The following GBF1 variants were observed in gnomAD, a reference collection of about 807,000 sequenced individuals.
GBF1 encodes the protein Golgi-specific brefeldin A-resistance guanine nucleotide exchange factor 1.
Under a neutral mutation model 210.5 loss-of-function variants are expected in GBF1, and 114 were observed. The ratio of observed to expected loss-of-function variants is 0.54; its 90% CI spans 0.47 to 0.63. The LOEUF (loss-of-function observed/expected upper bound fraction) is 0.63, where lower values mean the gene tolerates loss of function less well. Ranked by LOEUF, GBF1 falls within the 30% of genes least tolerant of loss-of-function variation. The pLI is 0.00. For missense variants in GBF1, 1,851 were observed against 2,357.7 expected (o/e 0.79, Z 4.45); for synonymous variants, 850 against 889.2 (o/e 0.96, Z 0.78).
rs1255413958 is a variant in GBF1 at position 102,369,963 on chromosome 10, A to G, written c.3318A>G (p.Arg1106=). ...GPSTENQEAK[R]VALECIKQCD... is the part of the protein sequence containing the mutation. ...CCACTGAAAACCAAGAGGCCAAGAG[A>G]GTGGCCTTAGAGTGTATAAAGGTAA... is the stretch of plus-strand genomic sequence containing the variant. The change falls in exon 26 of 40, where the codon AGA becomes AGG. Residue 1106 remains arginine (R), a synonymous_variant. Coordinates refer to ENST00000369983, the MANE Select transcript of GBF1 (RefSeq NM_001377137.1). The G allele has an allele frequency of 1.2e-6, 2 of 1,613,936 alleles. No individual in the cohort carries two copies. Among genetic ancestry groups the G allele is most frequent in the African/African-American group, 2.7e-5 (2 of 74,890 alleles).
chr10:102,331,228 T>C (rs1344186416), intron 3 of GBF1, among the ~76,000 whole-genome samples: 1 of 152,034 alleles, frequency 6.6e-6, no homozygotes, highest in Non-Finnish European at 1.5e-5. Flanking sequence ...CAAAAATAAT[T>C]TTCTGTCATG....
At chr10:102,354,641 T>C (rs1037460594) in intron 8 of GBF1, among the ~76,000 whole-genome samples, 16 of 152,224 alleles carry the variant, frequency 1.1e-4, no homozygotes, top group Non-Finnish European at 7.3e-5. Flanking sequence ...TTGGGAATTC[T>C]CCTGGGGCAT....
At chr10:102,266,658 G>T (rs767125484) in intron 3 of GBF1, among the ~76,000 whole-genome samples, 1 of 152,160 alleles carries the variant, frequency 6.6e-6, no homozygotes, top group Non-Finnish European at 1.5e-5. Context: ...ACAAGCCAAA[G>T]AAATAAGTAA....
chr10:102,286,590 C>T (rs952533025), intron 3 of GBF1, among the ~76,000 whole-genome samples: 9 of 152,248 alleles, frequency 5.9e-5, no homozygotes, highest in African/African-American at 2.2e-4. Flanking sequence ...ACAGTCACTG[C>T]CTCTTCTTTA....
At position 102,363,691 on chromosome 10, in the gene GBF1, C is replaced by T. The variant is rs751987623; in HGVS notation, c.2018-19C>T. On this transcript the variant is annotated intron_variant, in intron 16 of 39. Coordinates refer to ENST00000369983, the MANE Select transcript of GBF1 (RefSeq NM_001377137.1). The surrounding 1 kb of genome is among the most constrained non-coding windows in gnomAD (Gnocchi z 4.2). ...AAAAGGTGTTACAGATATTTCCCCC[C>T]TCTTCTTCCTACTCCTAGCTGACAA... 3 of 1,543,566 alleles carry T rather than the reference C, an allele frequency of 1.9e-6. No individual in the cohort carries two copies. Among genetic ancestry groups the T allele is most frequent in the Non-Finnish European group, 2.7e-6 (3 of 1,115,910 alleles).
At chr10:102,296,240 T>C (rs2076895383) in intron 3 of GBF1, among the ~76,000 whole-genome samples, 1 of 152,206 alleles carries the variant, frequency 6.6e-6, no homozygotes, top group South Asian at 2.1e-4. Flanking sequence ...CTGCTGCTTA[T>C]GAAAAAAACT....
At chr10:102,285,932 T>C (rs2075896711) in intron 3 of GBF1, among the ~76,000 whole-genome samples, 1 of 152,096 alleles carries the variant, frequency 6.6e-6, no homozygotes, top group Non-Finnish European at 1.5e-5. Flanking sequence ...ATATTATAAA[T>C]CAGAATACAT....
intron 3 of GBF1, among the ~76,000 whole-genome samples, chr10:102,282,241 ATTCTT>A (rs1388120845): frequency 2.0e-5 from 3 of 151,956 alleles, no homozygotes; most frequent in Non-Finnish European, 2.9e-5. Flanking sequence ...GGCCGCCTGT[ATTCTT>A]TTCAAGTTTC....
chr10:102,238,238 G>A, the GBF1 span, among the ~76,000 whole-genome samples: 3 of 152,160 alleles, frequency 2.0e-5, no homozygotes, highest in African/African-American at 7.2e-5. Flanking sequence ...AGGACCTAAT[G>A]GATCCTTCAG....
In GBF1 at chr10:102,382,118, TCAAGCCCCAGCAGGC is replaced by T. The variant is rs776068911; in HGVS notation, c.5366_5380del (p.Ser1789_Arg1793del). ...CAGCTCCCCAGGATCACCAGTGGCC[TCAAGCCCCAGCAGGC>T]TGAGCCCCACCCCCGACGGGCCTCC... On this transcript the variant is annotated inframe_deletion, in exon 40 of 40. Transcript: ENST00000369983. 3 of 1,604,656 alleles carry T rather than the reference TCAAGCCCCAGCAGGC, an allele frequency of 1.9e-6. No homozygotes were observed. In the South Asian group the frequency reaches 3.3e-5, roughly 18 times the overall value.
At chr10:102,320,211 A>G (rs1310473376) in intron 3 of GBF1, among the ~76,000 whole-genome samples, 1 of 152,152 alleles carries the variant, frequency 6.6e-6, no homozygotes, top group African/African-American at 2.4e-5. Flanking sequence ...TCTAGTTTGG[A>G]AATAGTTTTC....
chr10:102,376,940 A>G lies in GBF1; in HGVS notation c.4294A>G (p.Lys1432Glu). Reference protein sequence around the residue: ...FVEASLNGGCKSQEKRGKSHK... With the variant: ...FVEASLNGGCESQEKRGKSHK... ...CTGAGTCTGGCTCTGCTCAGGATGCAAGTCCCAGGAGAAACGTGGCAAGAG... is the reference window on the plus strand; with the variant it reads ...CTGAGTCTGGCTCTGCTCAGGATGCGAGTCCCAGGAGAAACGTGGCAAGAG... Residue 1432 changes from lysine to glutamate, a missense_variant, in exon 33 of 40, where the codon AAG becomes GAG. Lys to Glu is a moderately conservative substitution (Grantham distance 56). Transcript: ENST00000369983. The G allele has an allele frequency of 1.9e-6, 3 of 1,614,106 alleles. No individual in the cohort carries two copies. The highest frequency in any genetic ancestry group is 2.5e-6 in the Non-Finnish European group (3 of 1,179,958).
At position 102,363,635 on chromosome 10, in the gene GBF1, G is replaced by A; in HGVS notation, c.2018-75G>A. 2 of 987,546 alleles carry A rather than the reference G, an allele frequency of 2.0e-6. No homozygotes were observed. The highest frequency in any genetic ancestry group is 3.3e-6 in the Non-Finnish European group (2 of 615,196). 61.2% of individuals were successfully genotyped at this position (987,546 alleles called of 1,614,324 possible). On this transcript the variant is annotated intron_variant, in intron 16 of 39. Transcript: ENST00000369983. This position sits in a 1 kb window ranked among gnomAD's most constrained non-coding sequence, Gnocchi z 4.2. ...CTTCTTGAAACTGGGGAGTATATTG[G>A]TGACCTTCCAAAAGTCCTTATCTGG...
intron 3 of GBF1, among the ~76,000 whole-genome samples, chr10:102,282,012 C>T (rs1348556247): frequency 1.3e-5 from 2 of 150,906 alleles, no homozygotes; most frequent in Admixed American, 6.6e-5. Flanking sequence ...CTGCAAGCTC[C>T]GCCTCCCAGG....
chr10:102,380,022 G>C, intron 36 of GBF1, 68 bp downstream of exon 36: 1 of 1,093,698 alleles, frequency 9.1e-7, no homozygotes, highest in Non-Finnish European at 1.4e-6. Context: ...GGAAGCCAGG[G>C]CTTCTGGCAG....
chr10:102,255,509 A>C (rs1336985244), intron 1 of GBF1, among the ~76,000 whole-genome samples: 1 of 152,222 alleles, frequency 6.6e-6, no homozygotes, highest in Non-Finnish European at 1.5e-5. Context: ...AAGGTAAAAA[A>C]GAATATACAG....
chr10:102,252,140 G>A (rs2071619572), intron 1 of GBF1, among the ~76,000 whole-genome samples: 1 of 151,992 alleles, frequency 6.6e-6, no homozygotes, highest in Non-Finnish European at 1.5e-5. Context: ...GGGAGTTTGA[G>A]ACCAGCCTGA....
intron 1 of GBF1, among the ~76,000 whole-genome samples, chr10:102,257,645 G>C (rs2072590473): frequency 1.3e-5 from 2 of 152,088 alleles, no homozygotes; most frequent in African/African-American, 4.8e-5. Context: ...CATTGCAACT[G>C]TGGTTCTAAA....
intron 30 of GBF1, among the ~76,000 whole-genome samples, chr10:102,375,843 A>G (rs1291479403): frequency 1.3e-5 from 2 of 151,708 alleles, no homozygotes; most frequent in Non-Finnish European, 2.9e-5. Flanking sequence ...ACTGTTTCCC[A>G]GTTTCTGTTT....
Sources: gnomAD v4.1 joint callset for allele counts (sites outside exome capture counted in the v4.1 genomes callset) on GRCh38, gnomAD v4.1.1 for gene constraint, Gnocchi (gnomAD v3.1) non-coding constraint, MANE v1.5 for transcripts, NCBI Gene and HGNC (gene_info 2026-07-23, HGNC 2026-07-21) for gene names.